The following WDFY3 variants were observed in gnomAD, a reference collection of about 807,000 sequenced individuals.
WDFY3 encodes WD repeat and FYVE domain-containing protein 3.
In WDFY3, 66 loss-of-function variants were observed where a neutral mutation model predicts 409.6. The ratio of observed to expected loss-of-function variants is 0.16; its 90% CI spans 0.13 to 0.20. WDFY3 has a LOEUF of 0.20. Among genes scored for constraint, WDFY3 ranks in the 10% least tolerant of loss-of-function variants. The pLI is 1.00. For missense variants in WDFY3, 3,031 were observed against 4,298.1 expected (o/e 0.71, Z 8.24); for synonymous variants, 1,521 against 1,537.1 (o/e 0.99, Z 0.25).
At chr4:84,872,696 T>A (rs1446967450) in intron 3 of WDFY3, among the ~76,000 whole-genome samples, 1 of 152,092 alleles carries the variant, frequency 6.6e-6, no homozygotes, top group Non-Finnish European at 1.5e-5. Flanking sequence ...CAGAGGGGAT[T>A]AAAAACTCAA....
intron 5 of WDFY3, among the ~76,000 whole-genome samples, chr4:84,846,875 C>A (rs967643090): frequency 6.6e-6 from 1 of 151,820 alleles, no homozygotes; most frequent in African/African-American, 2.4e-5. Context: ...TACCAAAGAA[C>A]CCCTGAGAGG....
chr4:84,718,595 A>G, intron 47 of WDFY3, 25 bp from the exon 48 acceptor site: 1 of 1,599,840 alleles, frequency 6.3e-7, no homozygotes, highest in Non-Finnish European at 8.5e-7. Flanking sequence ...ACAAACATTC[A>G]TTAATATAGG....
Position 84,757,178 on chromosome 4 carries a change from A to G in WDFY3, c.5189-17T>C, listed in dbSNP as rs1205042351. ...CGTTGAATCCTAAGAGAAGAGGAAT[A>G]TAACAGTAAGTGCAAAATCAGCAAC... On this transcript the variant is annotated splice_polypyrimidine_tract_variant and intron_variant, in intron 32 of 67. Transcript: ENST00000295888. 6.2e-7 allele frequency: 1 copy of G among 1,604,278 alleles called. No homozygotes were observed. The highest frequency in any genetic ancestry group is 8.5e-7 in the Non-Finnish European group (1 of 1,171,776).
At chr4:84,820,581 C>A (rs1395533901) in intron 11 of WDFY3, among the ~76,000 whole-genome samples, 1 of 151,968 alleles carries the variant, frequency 6.6e-6, no homozygotes, top group Non-Finnish European at 1.5e-5. Flanking sequence ...ACATTTAATA[C>A]TTATTAATTG....
chr4:84,809,989 A>G lies in WDFY3; in HGVS notation c.2243T>C (p.Leu748Ser). The change falls in exon 14 of 68, where the codon TTA (leucine) becomes TCA (serine). Residue 748 changes from leucine to serine, a missense_variant. Leu to Ser is a moderately radical substitution (Grantham distance 145). This residue lies in a region of WDFY3 where 1,322 missense variants were observed against 1,697.9 expected (regional missense o/e 0.78). Coordinates refer to ENST00000295888, the MANE Select transcript of WDFY3 (RefSeq NM_014991.6). ...TTCTATTGAGATTACATCTTCCTCT[A>G]AAAGTCTTTGAAATGGCTGTGTATT... ...PSNTQPFQRL[L>S]EEDVISIESV... 1 of 1,614,188 alleles carries G rather than the reference A, an allele frequency of 6.2e-7. No homozygotes were observed. Among genetic ancestry groups the G allele is most frequent in the African/African-American group, 1.3e-5 (1 of 75,054 alleles).
chr4:84,906,980 T>TTTA (rs923081534), intron 2 of WDFY3, among the ~76,000 whole-genome samples: 1 of 152,176 alleles, frequency 6.6e-6, no homozygotes, highest in African/African-American at 2.4e-5. Context: ...TATAAAATTC[T>TTTA]TTATTATTAT....
intron 64 of WDFY3, among the ~76,000 whole-genome samples, chr4:84,679,646 T>C (rs188778369): frequency 6.6e-6 from 1 of 152,156 alleles, no homozygotes; most frequent in Admixed American, 6.5e-5. Context: ...CTTTCCAATC[T>C]CTGTGGGTTC....
At chr4:84,702,772 T>C (rs1731254243) in intron 55 of WDFY3, among the ~76,000 whole-genome samples, 4 of 152,208 alleles carry the variant, frequency 2.6e-5, no homozygotes. Flanking sequence ...CAAAAAATAG[T>C]AGATTTTAAA....
intron 44 of WDFY3, among the ~76,000 whole-genome samples, chr4:84,732,937 G>C (rs1736843731): frequency 6.6e-6 from 1 of 152,178 alleles, no homozygotes; most frequent in Admixed American, 6.5e-5. Context: ...GAGCTACTTA[G>C]AAGATTCATG....
chr4:84,747,864 C>A (rs1195397576), intron 36 of WDFY3, among the ~76,000 whole-genome samples: 1 of 151,870 alleles, frequency 6.6e-6, no homozygotes, highest in Non-Finnish European at 1.5e-5. Flanking sequence ...TCAATTAAAC[C>A]TCTTTCCTTT....
intron 56 of WDFY3, 101 bp from the exon 57 acceptor site, chr4:84,696,924 C>T: frequency 1.0e-6 from 1 of 983,820 alleles, no homozygotes; most frequent in Non-Finnish European, 1.5e-6. Flanking sequence ...GATTCAATAC[C>T]AGAACGCTAA....
At chr4:84,962,973 C>T (rs1016834528) in intron 1 of WDFY3, among the ~76,000 whole-genome samples, 12 of 151,772 alleles carry the variant, frequency 7.9e-5, no homozygotes, top group Non-Finnish European at 1.0e-4. Context: ...CATGCCCGGT[C>T]GCCATTTATT....
chr4:84,736,360 T>G, intron 41 of WDFY3, 33 bp from the exon 42 acceptor site: 1 of 1,552,112 alleles, frequency 6.4e-7, no homozygotes, highest in Non-Finnish European at 8.7e-7. Flanking sequence ...TATTTTATAA[T>G]TTCTCCATGT....
At chr4:84,863,510 T>C (rs1208552117) in intron 3 of WDFY3, among the ~76,000 whole-genome samples, 1 of 152,182 alleles carries the variant, frequency 6.6e-6, no homozygotes, top group East Asian at 1.9e-4. Flanking sequence ...TATTAGATAT[T>C]TGCATGTCTT....
chr4:84,743,495 C>A (rs2149245008), intron 37 of WDFY3, among the ~76,000 whole-genome samples: 1 of 152,144 alleles, frequency 6.6e-6, no homozygotes, highest in Admixed American at 6.5e-5. Context: ...AGTAAAATGA[C>A]AAATTCATAT....
chr4:84,917,459 T>C (rs993606412), intron 2 of WDFY3, among the ~76,000 whole-genome samples: 4 of 152,196 alleles, frequency 2.6e-5, no homozygotes, highest in African/African-American at 9.6e-5. Context: ...GCATATTTTA[T>C]GGATATCTGA....
chr4:84,820,226 A>T (rs776692150), intron 11 of WDFY3, 40 bp from the exon 12 acceptor site: 1 of 1,498,720 alleles, frequency 6.7e-7, no homozygotes, highest in Non-Finnish European at 9.1e-7. Context: ...AAAAGTGATA[A>T]GCTTATTTTT....
In WDFY3 at chr4:84,672,759, G is replaced by T; in HGVS notation, c.*109C>A. On this transcript the variant is annotated 3_prime_UTR_variant, in exon 68 of 68. Coordinates refer to ENST00000295888, the MANE Select transcript of WDFY3 (RefSeq NM_014991.6). ...TTGAATTTTAACACTTCAAACACGT[G>T]GTATGAAGAGATGTGTAAACGGAGA... 6.9e-7 allele frequency: 1 copy of T among 1,447,602 alleles called. No homozygotes were observed. The highest frequency in any genetic ancestry group is 1.4e-5 in the African/African-American group (1 of 70,500). The allele number at this position is 1,447,602 out of a possible 1,614,324, so 89.7% of individuals were successfully genotyped here.
intron 3 of WDFY3, among the ~76,000 whole-genome samples, chr4:84,889,977 T>C (rs1311039923): frequency 6.6e-6 from 1 of 152,214 alleles, no homozygotes; most frequent in Non-Finnish European, 1.5e-5. Context: ...CGTACCTTGC[T>C]CCTGTAATGG....
Sources: gnomAD v4.1 joint callset for allele counts (sites outside exome capture counted in the v4.1 genomes callset) on GRCh38, gnomAD v4.1.1 for gene constraint, gnomAD v4.1.1 regional missense constraint, MANE v1.5 for transcripts, NCBI Gene and HGNC (gene_info 2026-07-23, HGNC 2026-07-21) for gene names.